Variants in ITGA2 observed in about 807,000 individuals in gnomAD.
The protein encoded by ITGA2 is integrin subunit alpha 2, also known as integrin alpha-2.
A neutral mutation model predicts 146.3 loss-of-function variants in ITGA2; 101 were observed. The observed-to-expected ratio is 0.69, with a 90% CI of 0.59 to 0.81. The LOEUF (loss-of-function observed/expected upper bound fraction) is 0.81, where lower values mean the gene tolerates loss of function less well. Ranked by LOEUF, ITGA2 falls within the 40% of genes least tolerant of loss-of-function variation. ITGA2 has a pLI of 0.00. For synonymous variants in ITGA2, 477 were observed against 487.1 expected (o/e 0.98, Z 0.27); for missense variants, 1,281 against 1,402.7 (o/e 0.91, Z 1.39).
intron 1 of ITGA2, among the ~76,000 whole-genome samples, chr5:53,023,175 A>G (rs1403399977): frequency 1.3e-5 from 2 of 152,244 alleles, no homozygotes; most frequent in South Asian, 2.1e-4. Flanking sequence ...GGCAAAGCCC[A>G]AGTCAGTTGA....
At chr5:52,994,169 T>G (rs1169670252) in intron 1 of ITGA2, among the ~76,000 whole-genome samples, 1 of 152,200 alleles carries the variant, frequency 6.6e-6, no homozygotes, top group Non-Finnish European at 1.5e-5. Flanking sequence ...GGTATCTACT[T>G]TATGTAAGGC....
chr5:53,029,357 T>G (rs548284224), intron 2 of ITGA2, among the ~76,000 whole-genome samples: 2 of 152,284 alleles, frequency 1.3e-5, no homozygotes, highest in African/African-American at 4.8e-5. Flanking sequence ...CTCTCTCCTA[T>G]TATCATCTTT....
intron 23 of ITGA2, among the ~76,000 whole-genome samples, chr5:53,078,003 G>A (rs889039602): frequency 2.0e-5 from 3 of 152,000 alleles, no homozygotes; most frequent in African/African-American, 2.4e-5. Flanking sequence ...CCACCTCAGA[G>A]CCCCAGAAAT....
At chr5:53,050,878 G>C (rs1002419715) in intron 6 of ITGA2, among the ~76,000 whole-genome samples, 39 of 152,176 alleles carry the variant, frequency 2.6e-4, no homozygotes, top group African/African-American at 9.2e-4. Flanking sequence ...GCCCATAATA[G>C]AGGAAATTCA....
intron 24 of ITGA2, among the ~76,000 whole-genome samples, chr5:53,079,977 C>T (rs575004720): frequency 1.3e-5 from 2 of 152,102 alleles, no homozygotes; most frequent in Non-Finnish European, 2.9e-5. Context: ...GTGCCCTGTG[C>T]CAGCACATAC....
chr5:53,060,176 C>T lies in ITGA2; in HGVS notation c.1312+164C>T, dbSNP rs3212537. 0.19 allele frequency among the ~76,000 whole-genome samples: 29,614 copies of T among 151,878 alleles called. 3,353 individuals carry two copies. Among genetic ancestry groups the T allele is most frequent in the South Asian group, 0.27 (1,321 of 4,816 alleles). On this transcript the variant is annotated intron_variant, in intron 11 of 29. Transcript: ENST00000296585. The stretch of plus-strand genomic sequence containing the variant: ...TCTCTTTGCCAATCGGGCCTTAAGG[C>T]ATAACTACTTATTGGAATACTATAT...
rs568717080 is a variant in ITGA2, at chr5:53,053,101, T to G, written c.779+1542T>G. Among the ~76,000 whole-genome samples the G allele has an allele frequency of 2.6e-5, 4 of 152,286 alleles. No individual in the cohort carries two copies. In the South Asian group the frequency reaches 8.3e-4, roughly 32 times the overall value. On this transcript the variant is annotated intron_variant, in intron 7 of 29. Transcript: ENST00000296585. Reference sequence around the variant, plus strand: ...TTGCCTAGTCAGTCGAACTAAAAATTTGGTTTCCTTTATTCTTTCCACTCT... The same window carrying G: ...TTGCCTAGTCAGTCGAACTAAAAATGTGGTTTCCTTTATTCTTTCCACTCT...
chr5:53,085,819 A>G (rs1393449066), intron 27 of ITGA2, among the ~76,000 whole-genome samples: 1 of 152,212 alleles, frequency 6.6e-6, no homozygotes, highest in Non-Finnish European at 1.5e-5. Context: ...TCTAACATCT[A>G]AGCGCTGCAT....
At chr5:53,063,829 T>G (rs1745015656) in intron 13 of ITGA2, among the ~76,000 whole-genome samples, 1 of 151,894 alleles carries the variant, frequency 6.6e-6, no homozygotes, top group Non-Finnish European at 1.5e-5. Context: ...GTTGAAAAAC[T>G]GACAAATCCC....
chr5:53,058,787 A>C (rs529383652), intron 10 of ITGA2, among the ~76,000 whole-genome samples: 51 of 152,042 alleles, frequency 3.4e-4, no homozygotes, highest in African/African-American at 1.2e-3. Flanking sequence ...TCTATCTAGA[A>C]TCAAAGGAAC....
At chr5:53,062,303 C>G (rs1744938274) in intron 12 of ITGA2, among the ~76,000 whole-genome samples, 1 of 151,906 alleles carries the variant, frequency 6.6e-6, no homozygotes, top group South Asian at 2.1e-4. Context: ...TCTGATCACT[C>G]AGCCTTTGGG....
At chr5:53,039,986 T>A (rs764488980) in intron 2 of ITGA2, among the ~76,000 whole-genome samples, 4 of 151,948 alleles carry the variant, frequency 2.6e-5, no homozygotes, top group Admixed American at 6.6e-5. Flanking sequence ...TGGGGCAATA[T>A]GATTTTTTTT....
At chr5:53,049,469 A>G (rs1297283262) in intron 6 of ITGA2, among the ~76,000 whole-genome samples, 1 of 152,204 alleles carries the variant, frequency 6.6e-6, no homozygotes, top group Non-Finnish European at 1.5e-5. Flanking sequence ...GAATTCTGAA[A>G]TTTGTATAAA....
intron 26 of ITGA2, among the ~76,000 whole-genome samples, chr5:53,082,107 A>G (rs1389675366): frequency 6.6e-6 from 1 of 152,104 alleles, no homozygotes; most frequent in African/African-American, 2.4e-5. Flanking sequence ...CATAATACTG[A>G]TGTTTTTTAT....
intron 2 of ITGA2, among the ~76,000 whole-genome samples, chr5:53,036,506 C>A (rs994193758): frequency 6.6e-6 from 1 of 152,202 alleles, no homozygotes; most frequent in Non-Finnish European, 1.5e-5. Flanking sequence ...GCAGCCTAGA[C>A]TATTCTGCCA....
At chr5:53,036,291 T>C (rs1298432391) in intron 2 of ITGA2, among the ~76,000 whole-genome samples, 1 of 152,190 alleles carries the variant, frequency 6.6e-6, no homozygotes, top group African/African-American at 2.4e-5. Context: ...AAAATTCTTC[T>C]ACAATATGTC....
chr5:53,061,053 C>A lies in ITGA2; in HGVS notation c.1458+7C>A. The A allele has an allele frequency of 3.7e-6, 6 of 1,611,760 alleles. No individual in the cohort carries two copies. Among genetic ancestry groups the A allele is most frequent in the Non-Finnish European group, 4.2e-6 (5 of 1,178,420 alleles). On this transcript the variant is annotated splice_region_variant and intron_variant, in intron 12 of 29. Transcript: ENST00000296585. ...GGCTCACCGAGGTGACCAGGTAAAT[C>A]TCACTGTTTAGCAGGTGAAATTAAT...
intron 29 of ITGA2, among the ~76,000 whole-genome samples, 167 bp downstream of exon 29, chr5:53,090,229 A>G (rs896673356): frequency 1.3e-4 from 20 of 152,234 alleles, no homozygotes; most frequent in Admixed American, 5.9e-4. Context: ...AACAACCAGT[A>G]AGGATTTTTC....
intron 16 of ITGA2, 63 bp downstream of exon 16, chr5:53,067,320 A>G (rs766502271): frequency 5.8e-5 from 93 of 1,589,846 alleles, no homozygotes; most frequent in Non-Finnish European, 7.8e-5. Context: ...AGTCCTGAAT[A>G]TAACATATTT....
Sources: allele counts gnomAD v4.1 joint callset (sites outside exome capture counted in the v4.1 genomes callset), GRCh38; gene constraint gnomAD v4.1.1; transcripts MANE v1.5; gene names NCBI Gene and HGNC (gene_info 2026-07-23, HGNC 2026-07-21).